EIF2D: variants seen among roughly 807,000 people sequenced by gnomAD.
EIF2D encodes eukaryotic translation initiation factor 2D.
In EIF2D, 56 loss-of-function variants were observed where a neutral mutation model predicts 77.4. The observed-to-expected ratio is 0.72, with a 90% CI of 0.58 to 0.90. EIF2D has a LOEUF of 0.90. Among genes scored for constraint, EIF2D ranks in the 40% least tolerant of loss-of-function variants. The pLI is 0.00. For synonymous variants in EIF2D, 230 were observed against 271.0 expected, an observed-to-expected ratio of 0.85 and a Z score of 1.49; for missense variants, 574 against 706.5, an observed-to-expected ratio of 0.81 and a Z score of 2.13.
downstream of EIF2D, chr1:206,588,281 C>T (rs1269440310): frequency 6.6e-6 from 1 of 152,638 alleles, no homozygotes; most frequent in Non-Finnish European, 1.5e-5. Flanking sequence ...CACAGACCTC[C>T]CTCCCATCTG....
intron 3 of EIF2D, 134 bp downstream of exon 3, chr1:206,609,242 A>C (rs1403847127): frequency 2.5e-6 from 2 of 798,016 alleles, no homozygotes; most frequent in Admixed American, 5.1e-5. Context: ...CCAAGTGAGA[A>C]ACATAAAACA....
downstream of EIF2D, among the ~76,000 whole-genome samples, chr1:206,570,872 G>A (rs909669838): frequency 1.3e-5 from 2 of 152,138 alleles, no homozygotes; most frequent in East Asian, 1.9e-4. Flanking sequence ...ACTGTGAATC[G>A]TGCCGCTGCA....
At chr1:206,589,186 G>GT (rs1553408487), downstream of EIF2D, 3 of 152,678 alleles carry the variant, frequency 2.0e-5, no homozygotes, top group African/African-American at 4.8e-5. Context: ...TGCTCAGTGT[G>GT]TAAGTGTTTG....
In EIF2D at chr1:206,612,444, C is replaced by G. The variant is rs1245884213; in HGVS notation, c.-102G>C. 6.7e-7 allele frequency: 1 copy of G among 1,496,880 alleles called. No individual in the cohort carries two copies. Among genetic ancestry groups the G allele is most frequent in the Non-Finnish European group, 9.3e-7 (1 of 1,080,302 alleles). 92.7% of individuals were successfully genotyped at this position (1,496,880 alleles called of 1,614,324 possible). The stretch of plus-strand genomic sequence containing the variant: ...GCCCTCAGCCGTGGGGGCAGCCATG[C>G]TGGGGCCCGGCCGCGAAAAGGGCCC... On this transcript the variant is annotated 5_prime_UTR_variant, in exon 1 of 15. Transcript: ENST00000271764.
chr1:206,603,481 C>T (rs532015615), intron 5 of EIF2D: 2 of 330,426 alleles, frequency 6.1e-6, no homozygotes, highest in Non-Finnish European at 1.1e-5. Context: ...CATCCCAAGA[C>T]TGAGAAAGAT....
intron 14 of EIF2D, 49 bp from the exon 15 acceptor site, chr1:206,591,894 C>G: frequency 1.3e-6 from 2 of 1,583,708 alleles, no homozygotes; most frequent in Non-Finnish European, 8.7e-7. Flanking sequence ...ACCTTGCTCC[C>G]CGGCTGGCCC....
chr1:206,581,777 T>C (rs1244365825), intron 2 of EIF2D, among the ~76,000 whole-genome samples: 2 of 152,022 alleles, frequency 1.3e-5, no homozygotes, highest in South Asian at 2.1e-4. Flanking sequence ...GCATCGGTTC[T>C]GTGGGATTGG....
intron 13 of EIF2D, chr1:206,594,936 G>C (rs1226741058): frequency 1.3e-5 from 2 of 152,078 alleles, no homozygotes; most frequent in Non-Finnish European, 2.9e-5. Context: ...CAATTATTGA[G>C]AACCAAGTAT....
At chr1:206,610,143 T>A (rs750113767) in intron 2 of EIF2D, among the ~76,000 whole-genome samples, 2 of 152,210 alleles carry the variant, frequency 1.3e-5, no homozygotes, top group South Asian at 2.1e-4. Context: ...CAGCTGGATA[T>A]GTAGCTTATC....
chr1:206,606,210 T>C (rs1670197214), intron 4 of EIF2D, among the ~76,000 whole-genome samples: 1 of 152,170 alleles, frequency 6.6e-6, no homozygotes, highest in African/African-American at 2.4e-5. Flanking sequence ...GGGGGAATAA[T>C]ACATAAGCCT....
In EIF2D at chr1:206,584,693, AAG is replaced by A; in HGVS notation, c.139-3533_139-3532del. 1 of 1,614,170 alleles carries A rather than the reference AAG, an allele frequency of 6.2e-7. No homozygotes were observed. Among genetic ancestry groups the A allele is most frequent in the Non-Finnish European group, 8.5e-7 (1 of 1,180,000 alleles). ...ACACAAGGACGGACAAGGTAGGAGAAAGAGTGAACCCAACCAGACCGTTCCCT... is the reference window on the plus strand; with the variant it reads ...ACACAAGGACGGACAAGGTAGGAGAAAGTGAACCCAACCAGACCGTTCCCT... On this transcript the variant is annotated intron_variant and NMD_transcript_variant, in intron 2 of 5. Transcript: ENST00000472709. This position sits in a 1 kb window ranked among gnomAD's most constrained non-coding sequence, Gnocchi z 4.9.
intron 2 of EIF2D, 184 bp downstream of exon 2, chr1:206,611,000 C>A: frequency 1.8e-6 from 1 of 546,406 alleles, no homozygotes; most frequent in East Asian, 3.1e-5. Context: ...AAGAGAAAAC[C>A]TTTTGCATCC....
intron 2 of EIF2D, chr1:206,585,881 T>G (rs1373007339): frequency 6.6e-6 from 1 of 152,360 alleles, no homozygotes; most frequent in Non-Finnish European, 1.5e-5. Flanking sequence ...CTGCGGAGAT[T>G]TAGGGATCAA....
In EIF2D at chr1:206,593,812, C is replaced by T; in HGVS notation, c.1510-19G>A. The T allele has an allele frequency of 6.3e-7, 1 of 1,581,070 alleles. No homozygotes were observed. Among genetic ancestry groups the T allele is most frequent in the South Asian group, 1.1e-5 (1 of 88,288 alleles). On this transcript the variant is annotated intron_variant, in intron 13 of 14. Coordinates refer to ENST00000271764, the MANE Select transcript of EIF2D (RefSeq NM_006893.3). ...CGGTCACCTGGGGGGACAGTGGGGA[C>T]AGAGACTGACGGTGGTGACTGCATT...
intron 14 of EIF2D, 35 bp downstream of exon 14, chr1:206,593,584 G>C (rs1553409424): frequency 1.9e-6 from 3 of 1,556,786 alleles, no homozygotes; most frequent in Non-Finnish European, 2.6e-6. Flanking sequence ...TGCTGAGCTA[G>C]ACCAATGCCT....
At position 206,585,316 on chromosome 1, in the gene EIF2D, C is replaced by A. The variant is rs368393455; in HGVS notation, c.139-4154G>T. ...TAGAGGTAGGTCTGGACCCATTGTG[C>A]AAACCCAGGCCTTAGGGCACCCTGG... On this transcript the variant is annotated intron_variant and NMD_transcript_variant, in intron 2 of 5. Transcript: ENST00000472709. 66 of 1,595,842 alleles carry A rather than the reference C, an allele frequency of 4.1e-5. No homozygotes were observed. The African/African-American group carries it at 8.6e-4, about 21-fold the overall frequency.
chr1:206,598,808 A>G (rs1282112343), intron 11 of EIF2D, among the ~76,000 whole-genome samples, 195 bp downstream of exon 11: 4 of 149,984 alleles, frequency 2.7e-5, no homozygotes, highest in African/African-American at 9.9e-5. Context: ...GTCAATGTTG[A>G]TCGTATACAT....
chr1:206,591,934 A>C, intron 14 of EIF2D, 89 bp from the exon 15 acceptor site: 9 of 1,276,096 alleles, frequency 7.1e-6, no homozygotes, highest in Non-Finnish European at 1.0e-5. Flanking sequence ...TCACAATGTC[A>C]TTCCACCCAG....
At chr1:206,593,508 A>AGAGAGAGAGAGAGTGTGTGTGT (rs10533643) in intron 14 of EIF2D, 111 bp downstream of exon 14, 3 of 365,910 alleles carry the variant, frequency 8.2e-6, no homozygotes, top group African/African-American at 7.2e-5. Context: ...AGAGAGAGAG[A>AGAGAGAGAGAGAGTGTGTGTGT]GTGTGTGTGT....
Sources: allele counts gnomAD v4.1 joint callset (sites outside exome capture counted in the v4.1 genomes callset), GRCh38; gene constraint gnomAD v4.1.1; non-coding constraint Gnocchi (gnomAD v3.1); transcripts MANE v1.5; gene names NCBI Gene and HGNC (gene_info 2026-07-23, HGNC 2026-07-21).